Variants in FOXP1 observed in about 807,000 individuals in gnomAD.
FOXP1 encodes forkhead box P1.
FOXP1 carries 15 observed loss-of-function variants against 98.2 expected under a neutral mutation model. The observed-to-expected ratio is 0.15, with a 90% CI of 0.10 to 0.24. The LOEUF is 0.24. Ranked by LOEUF, FOXP1 falls within the 10% of genes least tolerant of loss-of-function variation. The probability of loss-of-function intolerance (pLI) is 1.00; values close to 1 mark genes in which losing one functional copy is unlikely to be tolerated. For missense variants in FOXP1, 633 were observed against 848.5 expected (o/e 0.75, Z 3.15); for synonymous variants, 371 against 314.5 (o/e 1.18, Z -1.90).
At chr3:70,994,684 T>C (rs2041114243) in intron 13 of FOXP1, among the ~76,000 whole-genome samples, 1 of 152,166 alleles carries the variant, frequency 6.6e-6, no homozygotes, top group Non-Finnish European at 1.5e-5. Flanking sequence ...AGTGACTGAA[T>C]GGAATAAAAT....
At chr3:71,545,171 T>C (rs376090538) in intron 2 of FOXP1, among the ~76,000 whole-genome samples, 1 of 152,264 alleles carries the variant, frequency 6.6e-6, no homozygotes, top group African/African-American at 2.4e-5. Flanking sequence ...AAAATCAGCA[T>C]GCTGTCATGG....
intron 3 of FOXP1, among the ~76,000 whole-genome samples, chr3:71,379,090 A>T (rs996013617): frequency 2.0e-5 from 3 of 150,858 alleles, no homozygotes; most frequent in African/African-American, 7.3e-5. Context: ...CTCTGCCCTC[A>T]TTACTGATCT....
intron 18 of FOXP1, chr3:70,971,437 TC>T (rs1469457186): frequency 6.5e-6 from 1 of 154,226 alleles, no homozygotes; most frequent in African/African-American, 2.4e-5. Context: ...CATACTGTTG[TC>T]AGAAAATCTC....
chr3:70,982,285 T>G (rs2039002655), intron 14 of FOXP1, among the ~76,000 whole-genome samples: 1 of 152,194 alleles, frequency 6.6e-6, no homozygotes, highest in African/African-American at 2.4e-5. Flanking sequence ...CTTAATGTAA[T>G]CATCAATTAG....
At chr3:71,178,685 C>T (rs2062094702) in intron 6 of FOXP1, among the ~76,000 whole-genome samples, 1 of 151,644 alleles carries the variant, frequency 6.6e-6, no homozygotes, top group South Asian at 2.1e-4. Context: ...AGATCGAGAC[C>T]ATCCTGGCTA....
At chr3:71,008,429 T>C (rs1454924710) in intron 12 of FOXP1, among the ~76,000 whole-genome samples, 2 of 152,170 alleles carry the variant, frequency 1.3e-5, no homozygotes, top group East Asian at 1.9e-4. Context: ...CACACCACTC[T>C]GGATGATACG....
chr3:71,532,201 G>A (rs1267140968), intron 2 of FOXP1, among the ~76,000 whole-genome samples: 1 of 152,168 alleles, frequency 6.6e-6, no homozygotes, highest in Non-Finnish European at 1.5e-5. Context: ...CTGGGCTCAA[G>A]CAATCCTCCC....
At chr3:71,522,560 C>T (rs913839336) in intron 2 of FOXP1, among the ~76,000 whole-genome samples, 2 of 152,158 alleles carry the variant, frequency 1.3e-5, no homozygotes, top group South Asian at 2.1e-4. Context: ...AAGGTACTGG[C>T]CACCTCCCAG....
intron 6 of FOXP1, among the ~76,000 whole-genome samples, chr3:71,133,708 A>G (rs188819601): frequency 1.2e-4 from 18 of 152,070 alleles, no homozygotes; most frequent in Middle Eastern, 6.8e-3. Context: ...ACAAAATACA[A>G]TTTCATGTTC....
At chr3:70,986,161 T>A (rs932693429) in intron 14 of FOXP1, among the ~76,000 whole-genome samples, 14 of 152,228 alleles carry the variant, frequency 9.2e-5, no homozygotes, top group African/African-American at 3.4e-4. Context: ...CCCTGTTCAC[T>A]TCCCCCCATG....
At chr3:71,280,704 G>T (rs2071444154) in intron 5 of FOXP1, among the ~76,000 whole-genome samples, 2 of 151,910 alleles carry the variant, frequency 1.3e-5, no homozygotes, top group Admixed American at 1.3e-4. Flanking sequence ...ATGGTAACTG[G>T]CTACCATATT....
intron 5 of FOXP1, among the ~76,000 whole-genome samples, chr3:71,221,078 G>T (rs2065343466): frequency 6.6e-6 from 1 of 152,156 alleles, no homozygotes; most frequent in Non-Finnish European, 1.5e-5. Flanking sequence ...AGGGTCTGGG[G>T]CCTGTTAGGA....
chr3:71,001,187 G>C (rs973249134), intron 12 of FOXP1, 128 bp from the exon 13 acceptor site: 2 of 708,474 alleles, frequency 2.8e-6, no homozygotes, highest in Non-Finnish European at 5.1e-6. Flanking sequence ...CCAGGGGGTG[G>C]CCTGTCCTTT....
intron 5 of FOXP1, among the ~76,000 whole-genome samples, chr3:71,199,804 G>A (rs141015611): frequency 7.2e-5 from 11 of 151,780 alleles, no homozygotes; most frequent in African/African-American, 2.2e-4. Flanking sequence ...AGGGCCAGGC[G>A]CGGTGGCTCA....
chr3:71,397,088 A>ATATATATACATATATATGTG, intron 3 of FOXP1, among the ~76,000 whole-genome samples: 1 of 6,492 alleles, frequency 1.5e-4, no homozygotes, highest in Middle Eastern at 0.1. Flanking sequence ...ATATATGTGT[A>ATATATATACATATATATGTG]TATATATATA....
chr3:70,966,018 G>T lies in FOXP1; in HGVS notation c.1761C>A (p.Thr587=). The T allele has an allele frequency of 6.2e-7, 1 of 1,614,088 alleles. No individual in the cohort carries two copies. Among genetic ancestry groups the T allele is most frequent in the Non-Finnish European group, 8.5e-7 (1 of 1,179,998 alleles). Residue 587 remains threonine, a synonymous_variant, in exon 20 of 21, where the codon ACC becomes ACA. Coordinates refer to ENST00000649528, the MANE Select transcript of FOXP1 (RefSeq NM_001349338.3). The stretch of plus-strand genomic sequence containing the variant: ...CCAGAGTGGGATTTCCCATGGAAGC[G>T]GTAGTGTATAGAGGTATACTATTCT... ...MAENSIPLYT[T]ASMGNPTLGN...
chr3:71,356,413 A>T (rs2078165109), intron 4 of FOXP1, among the ~76,000 whole-genome samples: 1 of 152,058 alleles, frequency 6.6e-6, no homozygotes, highest in South Asian at 2.1e-4. Context: ...CCAGGTGAGG[A>T]GCAATGGACT....
At chr3:71,468,149 T>G (rs1434253142) in intron 3 of FOXP1, among the ~76,000 whole-genome samples, 1 of 152,162 alleles carries the variant, frequency 6.6e-6, no homozygotes, top group Non-Finnish European at 1.5e-5. Flanking sequence ...CATTCCTGTA[T>G]TCATTTTTGG....
chr3:71,396,946 ATGTG>A lies in FOXP1; in HGVS notation c.-167-37706_-167-37703del, dbSNP rs1388196089. ...TATATATATATATACACATATATAT[ATGTG>A]TATATATATATATGTGTGTATATAT... On this transcript the variant is annotated intron_variant, in intron 3 of 20. Transcript: ENST00000649528. Among the ~76,000 whole-genome samples the A allele has an allele frequency of 4.1e-4, 29 of 70,898 alleles. 4 individuals carry two copies. Among genetic ancestry groups the A allele is most frequent in the African/African-American group, 1.5e-3 (24 of 16,318 alleles). 46.5% of individuals were successfully genotyped at this position (70,898 alleles called of 152,430 possible). A position where few individuals can be genotyped will look rare whatever the true frequency, so the allele number is the denominator to read the frequency against.
Sources: allele counts gnomAD v4.1 joint callset (sites outside exome capture counted in the v4.1 genomes callset), GRCh38; gene constraint gnomAD v4.1.1; transcripts MANE v1.5; gene names NCBI Gene and HGNC (gene_info 2026-07-23, HGNC 2026-07-21).